The following SENP5 variants were observed in gnomAD, a reference collection of about 807,000 sequenced individuals.
SENP5 encodes the protein SUMO specific peptidase 5, also known as sentrin-specific protease 5.
Under a neutral mutation model 74.2 loss-of-function variants are expected in SENP5, and 21 were observed. The ratio of observed to expected loss-of-function variants is 0.28; its 90% CI spans 0.20 to 0.41. SENP5 has a LOEUF of 0.41. Among genes scored for constraint, SENP5 ranks in the 10% least tolerant of loss-of-function variants. The pLI, the probability that SENP5 is intolerant of heterozygous loss-of-function variation, is 1.00. For synonymous variants in SENP5, 311 were observed against 312.7 expected, an observed-to-expected ratio of 0.99 and a Z score of 0.06; for missense variants, 717 against 889.1, an observed-to-expected ratio of 0.81 and a Z score of 2.46.
At position 196,886,243 on chromosome 3, in the gene SENP5, C is replaced by A. The variant is rs1456753864; in HGVS notation, c.1062C>A (p.Asn354Lys). Residue 354 changes from asparagine to lysine, a missense_variant, in exon 2 of 10, where the codon AAC becomes AAA. By Grantham distance (94) the Asn-to-Lys change is moderately conservative (BLOSUM62 0). Around this residue, in one of 4 missense-constraint regions of SENP5, gnomAD observed 567 missense variants for 577.4 expected, o/e 0.98. Coordinates refer to ENST00000323460, the MANE Select transcript of SENP5 (RefSeq NM_152699.5). ...ACCAACAGAATGGCAGTGCCACAAA[C>A]GCCTGGGACCAGTCATCCTGTTCTT... ...FPDQQNGSAT[N>K]AWDQSSCSSP... The A allele has an allele frequency of 6.2e-7, 1 of 1,613,998 alleles. No individual in the cohort carries two copies. Among genetic ancestry groups the A allele is most frequent in the Non-Finnish European group, 8.5e-7 (1 of 1,180,000 alleles).
chr3:196,909,570 A>G (rs1715039009), intron 6 of SENP5, among the ~76,000 whole-genome samples: 1 of 152,252 alleles, frequency 6.6e-6, no homozygotes, highest in East Asian at 1.9e-4. Context: ...ACCATGATCA[A>G]GTTGGCTTCA....
intron 2 of SENP5, among the ~76,000 whole-genome samples, chr3:196,898,384 C>T (rs1157950974): frequency 1.3e-5 from 2 of 150,644 alleles, no homozygotes; most frequent in Non-Finnish European, 3.0e-5. Flanking sequence ...TCACTTGAGG[C>T]CAGAAGTTCA....
chr3:196,879,540 G>C (rs1713630544), intron 1 of SENP5, among the ~76,000 whole-genome samples: 1 of 152,108 alleles, frequency 6.6e-6, no homozygotes, highest in African/African-American at 2.4e-5. Flanking sequence ...CTTCTGGATT[G>C]GTGGCCCTCC....
At chr3:196,899,253 G>A (rs1714595227) in intron 2 of SENP5, among the ~76,000 whole-genome samples, 1 of 152,106 alleles carries the variant, frequency 6.6e-6, no homozygotes, top group South Asian at 2.1e-4. Context: ...ATCAGTTAAT[G>A]CTAATTGTGA....
At position 196,905,540 on chromosome 3, in the gene SENP5, C is replaced by T. The variant is rs551969435; in HGVS notation, c.1884+1930C>T. 1.1e-4 allele frequency among the ~76,000 whole-genome samples: 16 copies of T among 152,220 alleles called. No homozygotes were observed. The East Asian group carries it at 1.7e-3, about 17-fold the overall frequency. ...CTTGAATTTGATTAATTTGCCGGAG[C>T]GGTTCACAGAATTCTGGGAAGTTCT... On this transcript the variant is annotated intron_variant, in intron 6 of 9. Transcript: ENST00000323460.
In SENP5 at chr3:196,934,568, A is replaced by G. The variant is rs1716173403; in HGVS notation, c.*3645A>G. 1 of 152,250 alleles carries G rather than the reference A, an allele frequency of 6.6e-6. No homozygotes were observed. Among genetic ancestry groups the G allele is most frequent in the Non-Finnish European group, 1.5e-5 (1 of 68,050 alleles). The allele number at this position is 152,250 out of a possible 1,614,324, so 9.4% of individuals were successfully genotyped here. On this transcript the variant is annotated 3_prime_UTR_variant, in exon 10 of 10. Coordinates refer to ENST00000323460, the MANE Select transcript of SENP5 (RefSeq NM_152699.5). ...GTGCTAATTGTATTTGGGTGTTACAAAAGCAGACCTAGACGAGCTGTTCAC... is the reference window on the plus strand; with the variant it reads ...GTGCTAATTGTATTTGGGTGTTACAGAAGCAGACCTAGACGAGCTGTTCAC...
chr3:196,899,924 A>G lies in SENP5; in HGVS notation c.1620A>G (p.Arg540=), dbSNP rs769510893. ...KDVFNEDFSN[R]KPFINREITN... ...TTGTTTCAAAATCTTTCTCTTTCAG[A>G]AAACCATTTATCAATAGGGAAATAA... Residue 540 remains arginine (R), a splice_region_variant and synonymous_variant, in exon 4 of 10, where the codon AGA becomes AGG. Coordinates refer to ENST00000323460, the MANE Select transcript of SENP5 (RefSeq NM_152699.5). 23 of 1,612,316 alleles carry G rather than the reference A, an allele frequency of 1.4e-5. No homozygotes were observed. Among genetic ancestry groups the G allele is most frequent in the Non-Finnish European group, 1.8e-5 (21 of 1,179,572 alleles).
intron 6 of SENP5, among the ~76,000 whole-genome samples, chr3:196,904,085 T>C (rs1278599440): frequency 3.3e-5 from 5 of 152,250 alleles, no homozygotes; most frequent in African/African-American, 1.2e-4. Context: ...TAAAATCTTA[T>C]ACATACATGT....
At chr3:196,874,906 GCCCTA>G (rs1239285058) in intron 1 of SENP5, among the ~76,000 whole-genome samples, 3 of 151,558 alleles carry the variant, frequency 2.0e-5, no homozygotes, top group Non-Finnish European at 4.4e-5. Flanking sequence ...TTGGGCTATT[GCCCTA>G]GGGTACATTC....
chr3:196,907,463 A>AC (rs1292832838), intron 6 of SENP5, among the ~76,000 whole-genome samples: 1 of 151,868 alleles, frequency 6.6e-6, no homozygotes, highest in Non-Finnish European at 1.5e-5. Flanking sequence ...CAAAAAAAAA[A>AC]AAAAAAGATA....
chr3:196,923,493 C>G lies in SENP5; in HGVS notation c.1964C>G (p.Ser655Cys), dbSNP rs780088866. Residue 655 changes from serine (S) to cysteine (C), a missense_variant, in exon 7 of 10, where the codon TCT (serine) becomes TGT (cysteine). Physicochemically the swap from Ser to Cys is moderately radical, Grantham distance 112. This residue lies in a region of SENP5 where 85 missense variants were observed against 188.9 expected (regional missense o/e 0.45). Coordinates refer to ENST00000323460, the MANE Select transcript of SENP5 (RefSeq NM_152699.5). ...TGGTCTCTCATTACTGTGACACTCT[C>G]TAATCGAATTATTTCATTTTATGAT... Reference protein sequence around the residue: ...VHWSLITVTLSNRIISFYDSQ... With the variant: ...VHWSLITVTLCNRIISFYDSQ... The G allele has an allele frequency of 1.2e-6, 2 of 1,611,460 alleles. No homozygotes were observed. Among genetic ancestry groups the G allele is most frequent in the Non-Finnish European group, 1.7e-6 (2 of 1,177,828 alleles).
chr3:196,929,842 T>C (rs879053226), intron 9 of SENP5, among the ~76,000 whole-genome samples, 159 bp downstream of exon 9: 1 of 152,172 alleles, frequency 6.6e-6, no homozygotes, highest in Admixed American at 6.5e-5. Context: ...AGTTTCTGCA[T>C]GTTCAGATGT....
At chr3:196,930,414 A>G (rs1019371613) in intron 9 of SENP5, among the ~76,000 whole-genome samples, 3 of 152,310 alleles carry the variant, frequency 2.0e-5, no homozygotes, top group South Asian at 4.1e-4. Context: ...GTCACCTATA[A>G]TTTGGGTAAA....
intron 1 of SENP5, among the ~76,000 whole-genome samples, chr3:196,870,841 C>G (rs1417160817): frequency 6.6e-6 from 1 of 151,924 alleles, no homozygotes; most frequent in African/African-American, 2.4e-5. Flanking sequence ...TTTTCTACAA[C>G]CAGATGACAA....
intron 2 of SENP5, 34 bp downstream of exon 2, chr3:196,886,728 C>T (rs749802386): frequency 6.8e-7 from 1 of 1,476,298 alleles, no homozygotes; most frequent in Admixed American, 2.3e-5. Flanking sequence ...CCTCAAACTC[C>T]AAGCTCACAT....
At position 196,930,989 on chromosome 3, in the gene SENP5, A is replaced by G; in HGVS notation, c.*66A>G. On this transcript the variant is annotated 3_prime_UTR_variant, in exon 10 of 10. Transcript: ENST00000323460. ...AGATGGTTTGTTACTTGAATCTCCA[A>G]ACACTTAGTTGAATTTTTACAGATA... The G allele has an allele frequency of 1.0e-6, 1 of 975,150 alleles. No individual in the cohort carries two copies. The highest frequency in any genetic ancestry group is 1.6e-5 in the African/African-American group (1 of 62,914). 60.4% of individuals were successfully genotyped at this position (975,150 alleles called of 1,614,324 possible).
chr3:196,917,938 C>G lies in SENP5; in HGVS notation c.1885-5476C>G, dbSNP rs372254749. 1.2e-4 allele frequency among the ~76,000 whole-genome samples: 19 copies of G among 152,044 alleles called. No individual in the cohort carries two copies. In the East Asian group the frequency reaches 3.1e-3, roughly 25 times the overall value. On this transcript the variant is annotated intron_variant, in intron 6 of 9. Transcript: ENST00000323460. ...TGACACACTAATTGCCGTGTGTAAGCCATATTTTGAGTAGGAAGACTACAA... is the reference window on the plus strand; with the variant it reads ...TGACACACTAATTGCCGTGTGTAAGGCATATTTTGAGTAGGAAGACTACAA...
rs572153580 is a variant in SENP5 at position 196,878,835 on chromosome 3, G to T, written c.-31-6316G>T. On this transcript the variant is annotated intron_variant, in intron 1 of 9. Transcript: ENST00000323460. The stretch of plus-strand genomic sequence containing the variant: ...TCGAACTCCTGACCTCAAATGATCC[G>T]CTTGCCTCGGCCTCCCAAAGTGCTG... Among the ~76,000 whole-genome samples the T allele has an allele frequency of 5.3e-5, 8 of 152,066 alleles. No individual in the cohort carries two copies. In the East Asian group the frequency reaches 1.3e-3, roughly 26 times the overall value.
rs769000512 is a variant in SENP5, at chr3:196,930,925, A to C, written c.*2A>C. 1.6e-5 allele frequency: 25 copies of C among 1,596,636 alleles called. No individual in the cohort carries two copies. Among genetic ancestry groups the C allele is most frequent in the Non-Finnish European group, 1.9e-5 (22 of 1,164,462 alleles). On this transcript the variant is annotated 3_prime_UTR_variant, in exon 10 of 10. Transcript: ENST00000323460. ...TGTGAGTGCCGGCTCATGGACTGAA[A>C]CTCAGCAGGGACTCTGGGAAGTCTG...
Sources: allele counts gnomAD v4.1 joint callset (sites outside exome capture counted in the v4.1 genomes callset), GRCh38; gene constraint gnomAD v4.1.1; regional missense constraint gnomAD v4.1.1; transcripts MANE v1.5; gene names NCBI Gene and HGNC (gene_info 2026-07-23, HGNC 2026-07-21).